AFTPH: variants seen among roughly 807,000 people sequenced by gnomAD.
AFTPH encodes the protein aftiphilin protein.
AFTPH carries 7 observed loss-of-function variants against 72.5 expected under a neutral mutation model. The ratio of observed to expected loss-of-function variants is 0.10; its 90% confidence interval spans 0.05 to 0.18. AFTPH has a LOEUF of 0.18. Ranked by LOEUF, AFTPH falls within the 10% of genes least tolerant of loss-of-function variation. AFTPH has a pLI of 1.00. For synonymous variants in AFTPH, 337 were observed against 370.1 expected (o/e 0.91, Z 1.03); for missense variants, 979 against 1,060.5 (o/e 0.92, Z 1.07).
intron 1 of AFTPH, among the ~76,000 whole-genome samples, chr2:64,534,221 C>A (rs1369470530): frequency 6.6e-6 from 1 of 152,122 alleles, no homozygotes; most frequent in Non-Finnish European, 1.5e-5. Context: ...GCTACAGTGA[C>A]ACTCAAAATC....
intron 1 of AFTPH, among the ~76,000 whole-genome samples, chr2:64,528,287 C>G (rs1021195244): frequency 6.6e-6 from 1 of 152,158 alleles, no homozygotes; most frequent in East Asian, 1.9e-4. Flanking sequence ...TTCTTCCTTT[C>G]ATTCATAAAA....
Position 64,572,490 on chromosome 2 carries a change from A to T in AFTPH, c.2272-456A>T, listed in dbSNP as rs1244241689. 2.0e-5 allele frequency among the ~76,000 whole-genome samples: 3 copies of T among 152,142 alleles called. No homozygotes were observed. In the East Asian group the frequency reaches 5.8e-4, roughly 29 times the overall value. On this transcript the variant is annotated intron_variant, in intron 5 of 8. Coordinates refer to ENST00000238856, the Ensembl canonical transcript of AFTPH. ...CGTTTCTTACAATTTTAGTGTCATT[A>T]GTGTTGGATTTTTAGAGGTTAGATG...
chr2:64,553,171 C>T, exon 2 of AFTPH: 2 of 1,614,110 alleles, frequency 1.2e-6, no homozygotes, highest in Non-Finnish European at 1.7e-6. Context: ...TCAGCTGGTC[C>T]TAGCCAAGTT....
At chr2:64,576,109 ACACACACACG>A in intron 6 of AFTPH, among the ~76,000 whole-genome samples, 1 of 120,036 alleles carries the variant, frequency 8.3e-6, no homozygotes, top group African/African-American at 4.9e-5. Context: ...ACACACACAC[ACACACACACG>A]TGTGTCATAC....
intron 3 of AFTPH, 25 bp from the exon 4 acceptor site, chr2:64,569,067 G>T: frequency 6.2e-7 from 1 of 1,611,324 alleles, no homozygotes; most frequent in Non-Finnish European, 8.5e-7. Flanking sequence ...ACCTGTTGTT[G>T]ATGGCTTCAT....
chr2:64,552,015 A>G, exon 2 of AFTPH: 1 of 1,613,946 alleles, frequency 6.2e-7, no homozygotes, highest in African/African-American at 1.3e-5. Flanking sequence ...TTGTCTGGAG[A>G]TTCTAACAAA....
At chr2:64,546,782 C>A (rs531833893) in intron 1 of AFTPH, among the ~76,000 whole-genome samples, 2 of 151,958 alleles carry the variant, frequency 1.3e-5, no homozygotes, top group Non-Finnish European at 2.9e-5. Context: ...CGCCTGTGAT[C>A]CCAGCACTTT....
At chr2:64,574,740 C>T (rs1339466854) in intron 6 of AFTPH, among the ~76,000 whole-genome samples, 1 of 152,210 alleles carries the variant, frequency 6.6e-6, no homozygotes, top group Non-Finnish European at 1.5e-5. Flanking sequence ...GATGGTTGGG[C>T]AGCAGACAAA....
At chr2:64,571,001 G>A (rs1000585837) in intron 5 of AFTPH, among the ~76,000 whole-genome samples, 2 of 123,830 alleles carry the variant, frequency 1.6e-5, no homozygotes, top group African/African-American at 6.3e-5. Context: ...TAATTCCAAA[G>A]TTTATTTAAT....
chr2:64,592,126 A>AAG, exon 9 of AFTPH: 1 of 1,359,424 alleles, frequency 7.4e-7, no homozygotes, highest in Non-Finnish European at 9.8e-7. Flanking sequence ...AAAAAAAAAA[A>AAG]AAAAAAAAAT....
At chr2:64,570,279 T>C (rs1005670899) in intron 5 of AFTPH, among the ~76,000 whole-genome samples, 1 of 152,232 alleles carries the variant, frequency 6.6e-6, no homozygotes, top group Non-Finnish European at 1.5e-5. Flanking sequence ...TTTTTTGGTG[T>C]GTATTTTTAT....
chr2:64,540,016 T>G (rs1209881256), intron 1 of AFTPH, among the ~76,000 whole-genome samples: 3 of 152,098 alleles, frequency 2.0e-5, no homozygotes, highest in Non-Finnish European at 2.9e-5. Context: ...ATGGAAAATT[T>G]TTAAAAGCCC....
chr2:64,543,214 C>T (rs1342904233), intron 1 of AFTPH, among the ~76,000 whole-genome samples: 2 of 152,116 alleles, frequency 1.3e-5, no homozygotes, highest in African/African-American at 4.8e-5. Flanking sequence ...ATATTTTGGC[C>T]ATTTTTCTGT....
At chr2:64,536,951 C>CAAAAAAAAA (rs70937353) in intron 1 of AFTPH, among the ~76,000 whole-genome samples, 9 of 81,722 alleles carry the variant, frequency 1.1e-4, no homozygotes, top group South Asian at 3.8e-4. Context: ...GACTCTGTCT[C>CAAAAAAAAA]AAAAAAAAAA....
chr2:64,578,867 T>G (rs144072294), intron 6 of AFTPH: 1 of 152,422 alleles, frequency 6.6e-6, no homozygotes, highest in East Asian at 1.9e-4. Flanking sequence ...TGAGCATCCC[T>G]TGAGTGTATT....
At chr2:64,530,543 A>G (rs1300815006) in intron 1 of AFTPH, among the ~76,000 whole-genome samples, 1 of 152,252 alleles carries the variant, frequency 6.6e-6, no homozygotes, top group African/African-American at 2.4e-5. Flanking sequence ...TGCCTGGCAC[A>G]AAGTAACACT....
intron 1 of AFTPH, among the ~76,000 whole-genome samples, chr2:64,537,470 G>T (rs1168374156): frequency 2.0e-5 from 3 of 152,162 alleles, no homozygotes; most frequent in Admixed American, 6.5e-5. Context: ...TCATTAAAAT[G>T]TTTCGTATGC....
intron 2 of AFTPH, among the ~76,000 whole-genome samples, chr2:64,558,434 C>T (rs937871142): frequency 6.6e-6 from 1 of 152,134 alleles, no homozygotes; most frequent in Non-Finnish European, 1.5e-5. Flanking sequence ...AATAAAGACA[C>T]AAAGCACTTC....
intron 5 of AFTPH, among the ~76,000 whole-genome samples, chr2:64,572,521 T>C (rs1436667633): frequency 1.3e-5 from 2 of 152,162 alleles, no homozygotes; most frequent in Non-Finnish European, 2.9e-5. Flanking sequence ...AGATGTGACA[T>C]ATTGTTGTCT....
Sources: allele counts gnomAD v4.1 joint callset (sites outside exome capture counted in the v4.1 genomes callset), GRCh38; gene constraint gnomAD v4.1.1; transcripts MANE v1.5; gene names NCBI Gene and HGNC (gene_info 2026-07-23, HGNC 2026-07-21).